N4BP1: variants seen among roughly 807,000 people sequenced by gnomAD.
N4BP1 encodes NEDD4-binding protein 1.
Under a neutral mutation model 70.9 loss-of-function variants are expected in N4BP1, and 21 were observed. That is an observed-to-expected ratio of 0.30 (90% CI 0.21 to 0.43). The LOEUF (loss-of-function observed/expected upper bound fraction) is 0.43, where lower values mean the gene tolerates loss of function less well. Ranked by LOEUF, N4BP1 falls within the 20% of genes least tolerant of loss-of-function variation. The pLI, the probability that N4BP1 is intolerant of heterozygous loss-of-function variation, is 1.00. For missense variants in N4BP1, 936 were observed against 1,069.4 expected, an observed-to-expected ratio of 0.88 and a Z score of 1.74; for synonymous variants, 387 against 394.6, an observed-to-expected ratio of 0.98 and a Z score of 0.23.
At chr16:48,597,495 T>C (rs533740089) in intron 1 of N4BP1, among the ~76,000 whole-genome samples, 1 of 152,298 alleles carries the variant, frequency 6.6e-6, no homozygotes, top group East Asian at 1.9e-4. Flanking sequence ...ATTTCTGACC[T>C]TAGAACCATA....
At chr16:48,556,391 G>T (rs1963755730) in intron 2 of N4BP1, among the ~76,000 whole-genome samples, 1 of 152,280 alleles carries the variant, frequency 6.6e-6, no homozygotes, top group African/African-American at 2.4e-5. Flanking sequence ...CTGTCTCCTA[G>T]CCTCTCTGCA....
At chr16:48,547,973 CT>C in intron 5 of N4BP1, 33 bp downstream of exon 5, 1 of 1,382,912 alleles carries the variant, frequency 7.2e-7, no homozygotes, top group Non-Finnish European at 1.0e-6. Flanking sequence ...AAAAACAAAA[CT>C]TTTCTGACCA....
chr16:48,555,286 C>T (rs1597093454), intron 2 of N4BP1, among the ~76,000 whole-genome samples: 1 of 152,108 alleles, frequency 6.6e-6, no homozygotes, highest in South Asian at 2.1e-4. Context: ...GAGCAGCCTG[C>T]CTGGGTTGCA....
At chr16:48,584,420 T>G (rs1964214551) in intron 1 of N4BP1, among the ~76,000 whole-genome samples, 1 of 152,234 alleles carries the variant, frequency 6.6e-6, no homozygotes, top group Admixed American at 6.5e-5. Flanking sequence ...GCCTCATTTT[T>G]CACGGTATGA....
chr16:48,587,372 C>A (rs886292688), intron 1 of N4BP1: 2 of 152,158 alleles, frequency 1.3e-5, no homozygotes, highest in African/African-American at 4.8e-5. Context: ...AATGTAATGA[C>A]TGAATGAATT....
At chr16:48,593,212 T>C (rs1281513797) in intron 1 of N4BP1, among the ~76,000 whole-genome samples, 1 of 152,224 alleles carries the variant, frequency 6.6e-6, no homozygotes, top group Admixed American at 6.5e-5. Flanking sequence ...TTCTGACTGG[T>C]GTCTGTTCTA....
chr16:48,587,279 A>G (rs1964259269), intron 1 of N4BP1: 1 of 152,232 alleles, frequency 6.6e-6, no homozygotes. Flanking sequence ...TCCCTTAAGC[A>G]ACAGGCTAGA....
chr16:48,545,110 A>G (rs529304071), intron 6 of N4BP1, among the ~76,000 whole-genome samples: 59 of 152,032 alleles, frequency 3.9e-4, no homozygotes, highest in Admixed American at 1.2e-3. Flanking sequence ...GATTACAGGC[A>G]CGCACCACCA....
chr16:48,549,525 C>T (rs1733476360), intron 4 of N4BP1, among the ~76,000 whole-genome samples: 2 of 152,228 alleles, frequency 1.3e-5, no homozygotes. Context: ...AGGACCTGAG[C>T]CCTGCAGGGT....
At chr16:48,566,465 C>T (rs115279427) in intron 1 of N4BP1, among the ~76,000 whole-genome samples, 3,150 of 152,220 alleles carry the variant, frequency 0.021, 110 homozygotes, top group African/African-American at 0.07. Flanking sequence ...TTCAAAATTT[C>T]CCTTTGACTC....
intron 1 of N4BP1, among the ~76,000 whole-genome samples, chr16:48,566,103 C>T (rs1214909102): frequency 1.3e-5 from 2 of 152,096 alleles, no homozygotes; most frequent in East Asian, 1.9e-4. Context: ...TTTTCAACTT[C>T]ATTAATTTCT....
At position 48,562,034 on chromosome 16, in the gene N4BP1, C is replaced by G. The variant is rs370683551; in HGVS notation, c.609G>C (p.Glu203Asp). ...EENLFETGDD[E>D]VIEMRDSQQT... ...GTTGAGAATCTCTCATTTCAATAAC[C>G]TCATCATCTCCTGTTTCAAAGAGAT... Residue 203 changes from glutamate (E) to aspartate (D), a missense_variant, in exon 2 of 7, where the codon GAG (glutamate) becomes GAC (aspartate). This residue lies in a region of N4BP1 where 515 missense variants were observed against 491.7 expected (regional missense o/e 1.05). Transcript: ENST00000262384. 87 of 1,613,734 alleles carry G rather than the reference C, an allele frequency of 5.4e-5. No individual in the cohort carries two copies. The African/African-American group carries it at 1.1e-3, about 21-fold the overall frequency.
chr16:48,579,350 A>C (rs988618687), intron 1 of N4BP1, among the ~76,000 whole-genome samples: 4 of 152,208 alleles, frequency 2.6e-5, no homozygotes, highest in African/African-American at 9.7e-5. Flanking sequence ...AAGTTAAATA[A>C]AATTATCAAA....
chr16:48,586,771 C>A (rs1247640329), intron 1 of N4BP1, among the ~76,000 whole-genome samples: 2 of 152,124 alleles, frequency 1.3e-5, no homozygotes, highest in Admixed American at 1.3e-4. Context: ...TTGGAGTATT[C>A]TGTGTTTCTT....
Position 48,542,007 on chromosome 16 carries a change from G to A in N4BP1, c.*897C>T, listed in dbSNP as rs189132859. 495 of 152,796 alleles carry A rather than the reference G, an allele frequency of 3.2e-3. 2 individuals carry two copies. The highest frequency in any genetic ancestry group is 0.011 in the African/African-American group (458 of 41,572). 9.5% of individuals were successfully genotyped at this position (152,796 alleles called of 1,614,324 possible). A position where few individuals can be genotyped will look rare whatever the true frequency, so the allele number is the denominator to read the frequency against. On this transcript the variant is annotated 3_prime_UTR_variant, in exon 7 of 7. Transcript: ENST00000262384. ...GGACACAAGATGGCCACAGTGACCG[G>A]GCTCTTCATTAAACTTCCTCATAAC...
intron 2 of N4BP1, among the ~76,000 whole-genome samples, chr16:48,560,106 A>G (rs1374501501): frequency 6.6e-6 from 1 of 151,792 alleles, no homozygotes; most frequent in Non-Finnish European, 1.5e-5. Flanking sequence ...CCCCTTAGAA[A>G]AAAAACCCAA....
At chr16:48,574,972 C>T (rs1342159436) in intron 1 of N4BP1, among the ~76,000 whole-genome samples, 1 of 152,156 alleles carries the variant, frequency 6.6e-6, no homozygotes, top group Non-Finnish European at 1.5e-5. Context: ...CCTCATATAA[C>T]TAAAACTAGT....
At position 48,548,133 on chromosome 16, in the gene N4BP1, G is replaced by T; in HGVS notation, c.2118-19C>A. 6.8e-7 allele frequency: 1 copy of T among 1,461,564 alleles called. No individual in the cohort carries two copies. Among genetic ancestry groups the T allele is most frequent in the Non-Finnish European group, 9.6e-7 (1 of 1,046,868 alleles). The allele number at this position is 1,461,564 out of a possible 1,614,324, so 90.5% of individuals were successfully genotyped here. A position where few individuals can be genotyped will look rare whatever the true frequency, so the allele number is the denominator to read the frequency against. On this transcript the variant is annotated intron_variant, in intron 4 of 6. Coordinates refer to ENST00000262384, the MANE Select transcript of N4BP1 (RefSeq NM_153029.4). ...TAGAAACCTATGGTAATATAAGAGA[G>T]TTTAAAATCAGCAACAGGCATCCTT...
chr16:48,577,539 AGCT>A (rs1473993846), intron 1 of N4BP1: 1 of 190,492 alleles, frequency 5.2e-6, no homozygotes, highest in African/African-American at 2.3e-5. Flanking sequence ...TTGCAGCCAC[AGCT>A]GCAGCCTGGG....
Sources: gnomAD v4.1 joint callset for allele counts (sites outside exome capture counted in the v4.1 genomes callset) on GRCh38, gnomAD v4.1.1 for gene constraint, gnomAD v4.1.1 regional missense constraint, MANE v1.5 for transcripts, NCBI Gene and HGNC (gene_info 2026-07-23, HGNC 2026-07-21) for gene names.